RAP1GDS1: variants seen among roughly 807,000 people sequenced by gnomAD.
RAP1GDS1 encodes the protein Rap1 GTPase-GDP dissociation stimulator 1.
In RAP1GDS1, 35 loss-of-function variants were observed where a neutral mutation model predicts 71.1. The observed-to-expected ratio is 0.49, with a 90% CI of 0.38 to 0.65. RAP1GDS1 has a LOEUF of 0.65. Ranked by LOEUF, RAP1GDS1 falls within the 30% of genes least tolerant of loss-of-function variation. The pLI, the probability that RAP1GDS1 is intolerant of heterozygous loss-of-function variation, is 0.00. For synonymous variants in RAP1GDS1, 229 were observed against 243.1 expected (o/e 0.94, Z 0.54); for missense variants, 663 against 706.1 (o/e 0.94, Z 0.69).
At chr4:98,296,415 C>T (rs901041614) in intron 2 of RAP1GDS1, among the ~76,000 whole-genome samples, 1 of 151,238 alleles carries the variant, frequency 6.6e-6, no homozygotes, top group Non-Finnish European at 1.5e-5. Flanking sequence ...GGCAGTATTT[C>T]TCTCTGTAAC....
At chr4:98,380,465 C>G (rs1394091404) in intron 5 of RAP1GDS1, among the ~76,000 whole-genome samples, 1 of 151,742 alleles carries the variant, frequency 6.6e-6, no homozygotes, top group Non-Finnish European at 1.5e-5. Flanking sequence ...TTTTATTGAT[C>G]AAATGGCTTA....
intron 12 of RAP1GDS1, among the ~76,000 whole-genome samples, chr4:98,430,393 A>G (rs1054814757): frequency 3.9e-5 from 6 of 152,206 alleles, no homozygotes; most frequent in African/African-American, 1.4e-4. Flanking sequence ...TGTTAATTGC[A>G]TGAGTTCTAT....
intron 6 of RAP1GDS1, among the ~76,000 whole-genome samples, chr4:98,402,371 C>T (rs1560964936): frequency 2.0e-5 from 3 of 152,174 alleles, no homozygotes. Context: ...CATGCCCGGC[C>T]TCATCTCTAA....
chr4:98,399,742 C>T (rs1745097393), intron 6 of RAP1GDS1, among the ~76,000 whole-genome samples: 1 of 152,034 alleles, frequency 6.6e-6, no homozygotes, highest in African/African-American at 2.4e-5. Flanking sequence ...ATTATCTCAC[C>T]CCAGTTAGGA....
At chr4:98,348,115 G>A (rs562972791) in intron 3 of RAP1GDS1, among the ~76,000 whole-genome samples, 82 of 146,626 alleles carry the variant, frequency 5.6e-4, no homozygotes, top group African/African-American at 1.2e-3. Context: ...TCCCTCCCCC[G>A]TACCCCCACC....
At chr4:98,289,928 A>G (rs762767738) in intron 1 of RAP1GDS1, among the ~76,000 whole-genome samples, 5 of 151,850 alleles carry the variant, frequency 3.3e-5, no homozygotes, top group Non-Finnish European at 7.4e-5. Context: ...TTTGATGTGG[A>G]TAGTGATGCT....
intron 6 of RAP1GDS1, among the ~76,000 whole-genome samples, chr4:98,392,851 G>GTAT (rs1383845654): frequency 2.0e-5 from 3 of 151,962 alleles, no homozygotes; most frequent in Non-Finnish European, 4.4e-5. Context: ...ATGTGTTATA[G>GTAT]TATTAGAAAA....
At chr4:98,351,081 T>G (rs1208896457) in intron 3 of RAP1GDS1, among the ~76,000 whole-genome samples, 3 of 152,186 alleles carry the variant, frequency 2.0e-5, no homozygotes, top group African/African-American at 7.2e-5. Context: ...ATAAGCAGAT[T>G]GATGTGTCAT....
intron 4 of RAP1GDS1, among the ~76,000 whole-genome samples, chr4:98,367,667 A>T (rs372037994): frequency 6.6e-6 from 1 of 152,198 alleles, no homozygotes; most frequent in African/African-American, 2.4e-5. Context: ...CGTGACTTGG[A>T]TGTGAGACAT....
chr4:98,398,046 T>A (rs1306137291), intron 6 of RAP1GDS1, among the ~76,000 whole-genome samples: 1 of 152,118 alleles, frequency 6.6e-6, no homozygotes, highest in African/African-American at 2.4e-5. Flanking sequence ...TATTATTATT[T>A]TTAGTTCCTA....
At position 98,336,538 on chromosome 4, in the gene RAP1GDS1, G is replaced by C. The variant is rs568139610; in HGVS notation, c.113-6601G>C. ...GTCTCACAACTTAGTTTTTTAGTGA[G>C]ATCTGTTTCTGATGGTGAATCACGG... On this transcript the variant is annotated intron_variant, in intron 2 of 14. Transcript: ENST00000408927. Among the ~76,000 whole-genome samples, 34 of 152,220 alleles carry C rather than the reference G, an allele frequency of 2.2e-4. No individual in the cohort carries two copies. In the South Asian group the frequency reaches 7.1e-3, roughly 32 times the overall value.
At chr4:98,264,986 A>C (rs902788096) in intron 1 of RAP1GDS1, among the ~76,000 whole-genome samples, 2 of 152,230 alleles carry the variant, frequency 1.3e-5, no homozygotes, top group African/African-American at 2.4e-5. Context: ...TAGGATCTAA[A>C]ATGCCAAGCT....
chr4:98,343,051 A>G, intron 2 of RAP1GDS1, 88 bp from the exon 3 acceptor site: 3 of 1,382,906 alleles, frequency 2.2e-6, no homozygotes, highest in Non-Finnish European at 2.9e-6. Context: ...TGGGTGGGAA[A>G]AATTCTTGAA....
intron 4 of RAP1GDS1, among the ~76,000 whole-genome samples, chr4:98,355,534 G>C (rs1737829555): frequency 6.6e-6 from 1 of 152,134 alleles, no homozygotes; most frequent in South Asian, 2.1e-4. Context: ...TGTTGGCTAA[G>C]ATCAAGTGTA....
At position 98,351,392 on chromosome 4, in the gene RAP1GDS1, A is replaced by T. The variant is rs1479903586; in HGVS notation, c.236-1084A>T. 2.6e-5 allele frequency among the ~76,000 whole-genome samples: 4 copies of T among 152,282 alleles called. No individual in the cohort carries two copies. In the East Asian group the frequency reaches 5.8e-4, roughly 22 times the overall value. ...GAAGTTGTCTCAGAGGTGACAGCTG[A>T]CAGAATAACCTATATGGTATGCTCT... On this transcript the variant is annotated intron_variant, in intron 3 of 14. Transcript: ENST00000408927.
At chr4:98,265,941 A>G (rs1330197699) in intron 1 of RAP1GDS1, among the ~76,000 whole-genome samples, 2 of 152,142 alleles carry the variant, frequency 1.3e-5, no homozygotes, top group Non-Finnish European at 2.9e-5. Flanking sequence ...TCAGTTGTAA[A>G]GGCTAAGTGA....
At chr4:98,299,101 G>A (rs369396952) in intron 2 of RAP1GDS1, among the ~76,000 whole-genome samples, 1 of 151,892 alleles carries the variant, frequency 6.6e-6, no homozygotes, top group Admixed American at 6.6e-5. Context: ...TGTTCCCCCC[G>A]CTGTGTCCAA....
chr4:98,343,122 G>T lies in RAP1GDS1; in HGVS notation c.113-17G>T. 6.3e-7 allele frequency: 1 copy of T among 1,595,972 alleles called. No individual in the cohort carries two copies. The highest frequency in any genetic ancestry group is 1.3e-5 in the African/African-American group (1 of 74,124). ...TTAAAGATTTTCACTGAAGCTCTTT[G>T]TATGTATCTCTTTTAGATACGGAAA... On this transcript the variant is annotated splice_polypyrimidine_tract_variant and intron_variant, in intron 2 of 14. Coordinates refer to ENST00000408927, the MANE Select transcript of RAP1GDS1 (RefSeq NM_001100427.2).
At chr4:98,343,109 A>C in intron 2 of RAP1GDS1, 30 bp from the exon 3 acceptor site, 1 of 1,568,930 alleles carries the variant, frequency 6.4e-7, no homozygotes, top group Non-Finnish European at 8.6e-7. Flanking sequence ...AAAGATTTTC[A>C]CTGAAGCTCT....
Sources: allele counts gnomAD v4.1 joint callset (sites outside exome capture counted in the v4.1 genomes callset), GRCh38; gene constraint gnomAD v4.1.1; transcripts MANE v1.5; gene names NCBI Gene and HGNC (gene_info 2026-07-23, HGNC 2026-07-21).